RNF212B: variants seen among roughly 807,000 people sequenced by gnomAD.
RNF212B encodes ring finger protein 212B.
In RNF212B, 52 loss-of-function variants were observed where a neutral mutation model predicts 55.5. The observed-to-expected ratio is 0.94, with a 90% CI of 0.75 to 1.18. RNF212B has a LOEUF of 1.18. RNF212B is among the 50% of genes most tolerant of loss of function. RNF212B has a pLI of 0.00. For synonymous variants in RNF212B, 99 were observed against 121.4 expected (o/e 0.82, Z 1.21); for missense variants, 289 against 350.4 (o/e 0.82, Z 1.40).
At chr14:23,228,462 C>CAAAAAAAAAAAAA in intron 2 of RNF212B, among the ~76,000 whole-genome samples, 1 of 76,098 alleles carries the variant, frequency 1.3e-5, no homozygotes. Context: ...CTATCTCTAC[C>CAAAAAAAAAAAAA]AAAAAAAAAA....
intron 2 of RNF212B, among the ~76,000 whole-genome samples, chr14:23,201,556 A>C (rs1318368330): frequency 1.3e-5 from 2 of 152,232 alleles, no homozygotes; most frequent in Non-Finnish European, 2.9e-5. Flanking sequence ...TGCTTCCTGT[A>C]TAATTTTTAT....
At chr14:23,229,451 T>G (rs1882365543) in intron 2 of RNF212B, among the ~76,000 whole-genome samples, 1 of 151,732 alleles carries the variant, frequency 6.6e-6, no homozygotes, top group Non-Finnish European at 1.5e-5. Flanking sequence ...TTTTCACTTT[T>G]TGAGGAGCCA....
At chr14:23,264,711 C>G (rs111862404) in intron 11 of RNF212B, 40 bp downstream of exon 11, 9 of 1,206,624 alleles carry the variant, frequency 7.5e-6, no homozygotes, top group Non-Finnish European at 9.5e-6. Flanking sequence ...TCAACTTACT[C>G]TATGCGAAGA....
At chr14:23,221,761 T>A (rs1881595809) in intron 2 of RNF212B, among the ~76,000 whole-genome samples, 1 of 152,124 alleles carries the variant, frequency 6.6e-6, no homozygotes, top group Admixed American at 6.6e-5. Flanking sequence ...CTGAAAACTT[T>A]AAAAAAACTG....
chr14:23,190,185 T>C (rs1298269044), intron 1 of RNF212B, among the ~76,000 whole-genome samples: 2 of 152,172 alleles, frequency 1.3e-5, no homozygotes, highest in Non-Finnish European at 2.9e-5. Context: ...ATCCTCCCTC[T>C]CTAGCTGTGT....
chr14:23,189,297 C>T (rs1242639954), intron 1 of RNF212B, among the ~76,000 whole-genome samples: 2 of 152,148 alleles, frequency 1.3e-5, no homozygotes, highest in Non-Finnish European at 2.9e-5. Context: ...TGCAGCTCTC[C>T]CCACATCCTC....
intron 13 of RNF212B, 48 bp from the exon 14 acceptor site, chr14:23,270,552 G>C: frequency 7.2e-7 from 1 of 1,394,008 alleles, no homozygotes; most frequent in Non-Finnish European, 1.0e-6. Flanking sequence ...ACACTGCCGA[G>C]AAACTGCCCA....
chr14:23,253,636 T>C (rs2140459086), intron 4 of RNF212B, among the ~76,000 whole-genome samples: 1 of 152,302 alleles, frequency 6.6e-6, no homozygotes, highest in East Asian at 1.9e-4. Context: ...ATTGATGAAC[T>C]TTGCAGAGAT....
At chr14:23,256,318 C>T (rs994227527) in intron 4 of RNF212B, among the ~76,000 whole-genome samples, 5 of 151,974 alleles carry the variant, frequency 3.3e-5, no homozygotes, top group Non-Finnish European at 7.4e-5. Context: ...TACCCCCCTG[C>T]CATTTTAGGT....
chr14:23,219,007 T>G (rs1401684380), intron 2 of RNF212B, among the ~76,000 whole-genome samples: 3 of 152,132 alleles, frequency 2.0e-5, no homozygotes, highest in Admixed American at 2.0e-4. Flanking sequence ...GACTTTTCAG[T>G]GAAGACTTAC....
At chr14:23,226,606 G>A (rs1014041571) in intron 2 of RNF212B, among the ~76,000 whole-genome samples, 3 of 152,036 alleles carry the variant, frequency 2.0e-5, no homozygotes, top group African/African-American at 7.2e-5. Context: ...ACTCCAGCCT[G>A]GGTGACAGAG....
At chr14:23,213,237 C>A (rs28474668) in intron 2 of RNF212B, among the ~76,000 whole-genome samples, 86,603 of 151,334 alleles carry the variant, frequency 0.57, 25,539 homozygotes, top group Admixed American at 0.67. Flanking sequence ...GGCGTGAACC[C>A]GTGAGGCGGA....
intron 5 of RNF212B, 119 bp from the exon 6 acceptor site, chr14:23,259,765 T>C: frequency 2.1e-6 from 1 of 471,162 alleles, no homozygotes; most frequent in South Asian, 5.1e-5. Flanking sequence ...TAGAAATAGC[T>C]TGTATAGCTG....
chr14:23,189,224 G>A (rs770610112), intron 1 of RNF212B, among the ~76,000 whole-genome samples: 26 of 152,100 alleles, frequency 1.7e-4, no homozygotes, highest in Non-Finnish European at 2.6e-4. Context: ...GTTTCATGGA[G>A]AAAATGGGAA....
chr14:23,247,181 C>T (rs1386833938), intron 4 of RNF212B, among the ~76,000 whole-genome samples: 1 of 151,934 alleles, frequency 6.6e-6, no homozygotes, highest in African/African-American at 2.4e-5. Context: ...GTATAAACAC[C>T]CCATCTACTT....
chr14:23,241,307 T>A (rs1344644065), intron 2 of RNF212B, among the ~76,000 whole-genome samples: 2 of 152,076 alleles, frequency 1.3e-5, no homozygotes, highest in Non-Finnish European at 2.9e-5. Context: ...AACAGTAAGG[T>A]AAGAAGTGGT....
intron 11 of RNF212B, among the ~76,000 whole-genome samples, chr14:23,268,282 C>G (rs1885837325): frequency 6.6e-6 from 1 of 152,176 alleles, no homozygotes; most frequent in African/African-American, 2.4e-5. Context: ...TGTTCCATCC[C>G]CTCTAGTGAC....
At chr14:23,270,500 G>A in intron 13 of RNF212B, 100 bp from the exon 14 acceptor site, 1 of 773,016 alleles carries the variant, frequency 1.3e-6, no homozygotes, top group South Asian at 1.5e-5. Flanking sequence ...CTTCTGAGTA[G>A]TGTTCCTTTA....
At chr14:23,197,428 G>A (rs935970172) in intron 2 of RNF212B, among the ~76,000 whole-genome samples, 22 of 152,174 alleles carry the variant, frequency 1.4e-4, no homozygotes, top group African/African-American at 5.3e-4. Flanking sequence ...TTGGGAGGTC[G>A]AGGCATGAGA....
Sources: allele counts gnomAD v4.1 joint callset (sites outside exome capture counted in the v4.1 genomes callset), GRCh38; gene constraint gnomAD v4.1.1; transcripts MANE v1.5; gene names NCBI Gene and HGNC (gene_info 2026-07-23, HGNC 2026-07-21).